ARMCX4: variants seen among roughly 807,000 people sequenced by gnomAD.
The protein encoded by ARMCX4 is armadillo repeat containing X-linked 4, also known as armadillo repeat-containing X-linked protein 4.
In ARMCX4, 3 loss-of-function variants were observed where a neutral mutation model predicts 34.7. The observed-to-expected ratio is 0.09, with a 90% CI of 0.04 to 0.22. ARMCX4 has a LOEUF of 0.22. Among genes scored for constraint, ARMCX4 ranks in the 10% least tolerant of loss-of-function variants. The pLI is 1.00. For synonymous variants in ARMCX4, 513 were observed against 632.8 expected (o/e 0.81, Z 2.84); for missense variants, 1,448 against 1,720.8 (o/e 0.84, Z 2.81).
chrX:101,483,146 G>A (rs1024203478), upstream of ARMCX4, among the ~76,000 whole-genome samples: 2 of 109,090 alleles, frequency 1.8e-5, no homozygotes, highest in African/African-American at 6.7e-5. Context: ...CACCTGCTTC[G>A]GCCTCCCAAA....
intron 7 of ARMCX4, among the ~76,000 whole-genome samples, chrX:101,503,429 A>C (rs1556014234): frequency 9.0e-6 from 1 of 111,496 alleles, no homozygotes; most frequent in Non-Finnish European, 1.9e-5. Context: ...CTATTTCTCT[A>C]CATCCTCTCC....
chrX:101,440,173 G>A (rs61353135), intron 2 of ARMCX4, among the ~76,000 whole-genome samples: 7,162 of 111,593 alleles, frequency 0.064, 220 homozygotes, highest in South Asian at 0.28. Flanking sequence ...TGTCCTTTCT[G>A]TTTGTTAGTT....
At chrX:101,504,457 G>C (rs1374892491) in intron 7 of ARMCX4, among the ~76,000 whole-genome samples, 4 of 110,344 alleles carry the variant, frequency 3.6e-5, no homozygotes, top group Non-Finnish European at 7.6e-5. Flanking sequence ...GTGTGTGAGA[G>C]AGAGAAGGAG....
chrX:101,434,781 T>TC (rs1555993851), intron 2 of ARMCX4, among the ~76,000 whole-genome samples: 1 of 90,624 alleles, frequency 1.1e-5, no homozygotes, highest in African/African-American at 4.0e-5. Flanking sequence ...ATGCTATCCC[T>TC]CCCCCCTCCC....
chrX:101,486,813 G>A (rs1933741537), intron 2 of ARMCX4, among the ~76,000 whole-genome samples: 1 of 109,976 alleles, frequency 9.1e-6, no homozygotes, highest in Admixed American at 9.8e-5. Context: ...TGTAGTTCCT[G>A]CTACTTGGGA....
In ARMCX4 at chrX:101,456,552, T is replaced by C. The variant is rs376058893; in HGVS notation, c.-473+10508T>C. On this transcript the variant is annotated intron_variant and NMD_transcript_variant, in intron 4 of 15. Transcript: ENST00000433011. ...TGAATTTTAAAGTACTATAGATATG[T>C]ACTTCTTTTTATTGTGGGCTTTTTC... Among the ~76,000 whole-genome samples the C allele has an allele frequency of 1.6e-4, 18 of 111,509 alleles. No homozygotes were observed. In the East Asian group the frequency reaches 3.4e-3, roughly 21 times the overall value.
Position 101,490,563 on chromosome X carries a change from A to G in ARMCX4, c.1974A>G (p.Ala658=), listed in dbSNP as rs782742006. The stretch of plus-strand genomic sequence containing the variant: ...GTAATCCCAATGTTGTGCTTAAGGC[A>G]GAAGTTGGGGAAGGTGCAATGGGCA... The part of the protein sequence containing the change: ...VKGNPNVVLK[A]EVGEGAMGTA... Residue 658 remains alanine (A), a synonymous_variant, in exon 6 of 6, where the codon GCA becomes GCG. Transcript: ENST00000423738. 1.7e-6 allele frequency: 2 copies of G among 1,155,073 alleles called. No individual in the cohort carries two copies. Among genetic ancestry groups the G allele is most frequent in the South Asian group, 1.9e-5 (1 of 52,655 alleles).
intron 11 of ARMCX4, among the ~76,000 whole-genome samples, chrX:101,529,675 A>T (rs1278059660): frequency 8.9e-6 from 1 of 112,631 alleles, no homozygotes; most frequent in African/African-American, 3.2e-5. Flanking sequence ...TGGGCAAAGT[A>T]TATGAACAGA....
At chrX:101,425,470 T>C (rs58129309) in intron 2 of ARMCX4, among the ~76,000 whole-genome samples, 25,197 of 105,798 alleles carry the variant, frequency 0.24, 4,161 homozygotes, top group African/African-American at 0.57. Flanking sequence ...CTCGGCTCAC[T>C]GCAACTTCCG....
intron 2 of ARMCX4, among the ~76,000 whole-genome samples, chrX:101,436,660 G>A (rs1930797924): frequency 9.0e-6 from 1 of 111,032 alleles, no homozygotes; most frequent in African/African-American, 3.3e-5. Context: ...TAATTGCCTT[G>A]GCCAGAACTT....
chrX:101,535,941 T>C (rs16984362), downstream of ARMCX4, among the ~76,000 whole-genome samples: 3,191 of 111,379 alleles, frequency 0.029, 107 homozygotes, highest in African/African-American at 0.098. Context: ...TATTCTACTA[T>C]GTGTTACATG....
At chrX:101,446,935 C>G (rs1452044706), downstream of ARMCX4, among the ~76,000 whole-genome samples, 1 of 94,204 alleles carries the variant, frequency 1.1e-5, no homozygotes, top group Admixed American at 1.2e-4. Context: ...GCCTAGGCGA[C>G]AGAGTGAGAC....
chrX:101,493,448 G>T lies in ARMCX4; in HGVS notation c.4859G>T (p.Gly1620Val), dbSNP rs782205311. 5.2e-4 allele frequency: 597 copies of T among 1,153,296 alleles called. No individual in the cohort carries two copies. The highest frequency in any genetic ancestry group is 7.8e-4 in the Admixed American group (30 of 38,508). ...SWGVAGGQVL[G>V]GARPGPADQS... ...GGTGTGGCTGGTGGCCAGGTCCTTG[G>T]GGGAGCTAGGCCGGGGCCTGCAGAC... The change falls in exon 6 of 6, where the codon GGG (glycine) becomes GTG (valine). Residue 1620 changes from glycine (G) to valine (V), a missense_variant. By Grantham distance (109) the Gly-to-Val change is moderately radical. Coordinates refer to ENST00000423738, the MANE Select transcript of ARMCX4 (RefSeq NM_001256155.3).
At chrX:101,526,403 T>C (rs1453868861) in intron 11 of ARMCX4, among the ~76,000 whole-genome samples, 2 of 111,749 alleles carry the variant, frequency 1.8e-5, no homozygotes, top group Admixed American at 9.5e-5. Flanking sequence ...AGACCATTGA[T>C]GCTAGGAAGG....
At chrX:101,506,131 C>T (rs1163252826) in intron 8 of ARMCX4, among the ~76,000 whole-genome samples, 3 of 112,143 alleles carry the variant, frequency 2.7e-5, no homozygotes, top group Non-Finnish European at 5.6e-5. Flanking sequence ...GTGAGAGCCA[C>T]CACGCCCCGC....
At chrX:101,430,719 A>T (rs1363183116) in intron 2 of ARMCX4, among the ~76,000 whole-genome samples, 3 of 111,857 alleles carry the variant, frequency 2.7e-5, no homozygotes, top group African/African-American at 9.7e-5. Context: ...CTGTCTATCC[A>T]TCTATCCATT....
At chrX:101,432,991 T>C (rs1930280777) in intron 2 of ARMCX4, among the ~76,000 whole-genome samples, 1 of 104,220 alleles carries the variant, frequency 9.6e-6, no homozygotes, top group African/African-American at 3.5e-5. Flanking sequence ...TACACACATG[T>C]ATACATATAT....
chrX:101,441,542 G>A (rs782795975), intron 2 of ARMCX4, among the ~76,000 whole-genome samples: 1 of 109,514 alleles, frequency 9.1e-6, no homozygotes, highest in South Asian at 4.0e-4. Flanking sequence ...CAGTACAGAT[G>A]TGTGCATGCA....
At chrX:101,447,252 T>G (rs1473184070), downstream of ARMCX4, among the ~76,000 whole-genome samples, 2 of 112,497 alleles carry the variant, frequency 1.8e-5, no homozygotes, top group Admixed American at 9.5e-5. Context: ...CAACCCATAC[T>G]TAAGGGGAAG....
Sources: allele counts gnomAD v4.1 joint callset (sites outside exome capture counted in the v4.1 genomes callset), GRCh38; gene constraint gnomAD v4.1.1; transcripts MANE v1.5; gene names NCBI Gene and HGNC (gene_info 2026-07-23, HGNC 2026-07-21).